The following TMEM108 variants were observed in gnomAD, a reference collection of about 807,000 sequenced individuals.
The protein encoded by TMEM108 is transmembrane protein 108, also known as cancer/testis antigen 124.
TMEM108 carries 12 observed loss-of-function variants against 35.1 expected under a neutral mutation model. The ratio of observed to expected loss-of-function variants is 0.34; its 90% CI spans 0.22 to 0.55. The LOEUF is 0.55. TMEM108 is among the 20% of genes least tolerant of loss of function. The pLI, the probability that TMEM108 is intolerant of heterozygous loss-of-function variation, is 0.89. For missense variants in TMEM108, 680 were observed against 753.3 expected (o/e 0.90, Z 1.14); for synonymous variants, 287 against 308.6 (o/e 0.93, Z 0.73).
At chr3:133,345,348 T>A (rs550831014) in intron 3 of TMEM108, among the ~76,000 whole-genome samples, 1 of 151,792 alleles carries the variant, frequency 6.6e-6, no homozygotes, top group East Asian at 1.9e-4. Context: ...TACAGAAAAA[T>A]TATTTGATAA....
chr3:133,222,989 T>C (rs1000871181), intron 2 of TMEM108, among the ~76,000 whole-genome samples: 1 of 152,234 alleles, frequency 6.6e-6, no homozygotes, highest in South Asian at 2.1e-4. Context: ...CCCAGCTAAT[T>C]TTTAAATTTT....
chr3:133,240,208 T>C (rs1279399727), intron 3 of TMEM108, among the ~76,000 whole-genome samples: 1 of 152,200 alleles, frequency 6.6e-6, no homozygotes, highest in Non-Finnish European at 1.5e-5. Flanking sequence ...CTAGGGAGAA[T>C]AGATCTCTTT....
At chr3:133,077,878 C>T (rs1200437067) in intron 2 of TMEM108, among the ~76,000 whole-genome samples, 1 of 152,134 alleles carries the variant, frequency 6.6e-6, no homozygotes. Flanking sequence ...CCCAGGCTGA[C>T]TCGTTTGCCT....
chr3:133,172,071 G>A (rs1945138312), intron 2 of TMEM108, among the ~76,000 whole-genome samples: 1 of 152,186 alleles, frequency 6.6e-6, no homozygotes, highest in Non-Finnish European at 1.5e-5. Flanking sequence ...CATACATAGT[G>A]TTTAATGCAT....
At chr3:133,039,018 G>T (rs555608793) in intron 1 of TMEM108, among the ~76,000 whole-genome samples, 11 of 152,334 alleles carry the variant, frequency 7.2e-5, no homozygotes, top group Non-Finnish European at 5.9e-5. Flanking sequence ...TGGACCTGGC[G>T]GTTTTCACCC....
At chr3:133,283,028 A>G (rs1329806701) in intron 3 of TMEM108, among the ~76,000 whole-genome samples, 1 of 152,234 alleles carries the variant, frequency 6.6e-6, no homozygotes, top group South Asian at 2.1e-4. Context: ...AGGTCACACA[A>G]ATAGGTAGCA....
intron 5 of TMEM108, among the ~76,000 whole-genome samples, chr3:133,394,503 G>A (rs2107865434): frequency 6.7e-6 from 1 of 150,224 alleles, no homozygotes; most frequent in African/African-American, 2.5e-5. Context: ...CTTTGCTTTG[G>A]TTGTTTCCTG....
chr3:133,356,731 A>G (rs2072184711), intron 3 of TMEM108, among the ~76,000 whole-genome samples: 2 of 152,182 alleles, frequency 1.3e-5, no homozygotes, highest in Admixed American at 1.3e-4. Context: ...AAGACACCCT[A>G]TTTAATAAAT....
At chr3:133,214,021 G>C (rs951762269) in intron 2 of TMEM108, among the ~76,000 whole-genome samples, 1 of 152,100 alleles carries the variant, frequency 6.6e-6, no homozygotes, top group Non-Finnish European at 1.5e-5. Context: ...CTGGCTTCGG[G>C]GAATCACAAT....
chr3:133,280,899 A>G (rs74869001), intron 3 of TMEM108, among the ~76,000 whole-genome samples: 2,287 of 152,330 alleles, frequency 0.015, 69 homozygotes, highest in African/African-American at 0.052. Context: ...TGGAGGCTGA[A>G]CAGGTGTCCC....
chr3:133,041,758 A>G (rs1046824067), intron 1 of TMEM108: 4 of 152,216 alleles, frequency 2.6e-5, no homozygotes, highest in African/African-American at 7.2e-5. Context: ...CTTTCCAACA[A>G]CTTAATCGTT....
At chr3:133,082,982 T>A (rs79597384) in intron 2 of TMEM108, among the ~76,000 whole-genome samples, 4,271 of 152,236 alleles carry the variant, frequency 0.028, 110 homozygotes, top group South Asian at 0.063. Flanking sequence ...AATACTCATT[T>A]AATGCCCACT....
chr3:133,357,343 TAAAACCACTATG>T (rs2072203917), intron 3 of TMEM108, among the ~76,000 whole-genome samples: 1 of 152,144 alleles, frequency 6.6e-6, no homozygotes, highest in Admixed American at 6.5e-5. Flanking sequence ...TGTAAATTAG[TAAAACCACTATG>T]GAAAACAGTA....
chr3:133,258,876 C>T (rs1003158791), intron 3 of TMEM108, among the ~76,000 whole-genome samples: 5 of 152,188 alleles, frequency 3.3e-5, no homozygotes, highest in Admixed American at 2.6e-4. Flanking sequence ...CTCCAAGTGG[C>T]TTAAAATTCA....
chr3:133,227,446 G>A (rs1946090571), intron 2 of TMEM108, among the ~76,000 whole-genome samples: 1 of 149,614 alleles, frequency 6.7e-6, no homozygotes, highest in East Asian at 2.0e-4. Context: ...GCCCGCCTCG[G>A]CCTCCCAAAG....
At chr3:133,245,953 T>C (rs372995378) in intron 3 of TMEM108, among the ~76,000 whole-genome samples, 1 of 152,268 alleles carries the variant, frequency 6.6e-6, no homozygotes, top group South Asian at 2.1e-4. Context: ...AATATTTGCT[T>C]TCTTTTTTTT....
intron 2 of TMEM108, among the ~76,000 whole-genome samples, chr3:133,063,813 C>T (rs1370382362): frequency 2.0e-5 from 3 of 152,048 alleles, no homozygotes; most frequent in Non-Finnish European, 4.4e-5. Context: ...CACATAGGGC[C>T]CCCATTTAAC....
At chr3:133,342,544 G>GTGTGTATATATATATATATATATA (rs1437254898) in intron 3 of TMEM108, among the ~76,000 whole-genome samples, 1 of 46,640 alleles carries the variant, frequency 2.1e-5, no homozygotes, top group African/African-American at 9.2e-5. Context: ...AGAAAATGTG[G>GTGTGTATATATATATATATATATA]TATATATATA....
At chr3:133,050,007 A>T (rs1337409293) in intron 2 of TMEM108, among the ~76,000 whole-genome samples, 1 of 152,210 alleles carries the variant, frequency 6.6e-6, no homozygotes, top group Non-Finnish European at 1.5e-5. Flanking sequence ...GCAACATGGA[A>T]GAATTTTCAG....
Sources: allele counts gnomAD v4.1 joint callset (sites outside exome capture counted in the v4.1 genomes callset), GRCh38; gene constraint gnomAD v4.1.1; transcripts MANE v1.5; gene names NCBI Gene and HGNC (gene_info 2026-07-23, HGNC 2026-07-21).